The following GAP43 variants were observed in gnomAD, a reference collection of about 807,000 sequenced individuals.
The protein encoded by GAP43 is growth associated protein 43.
GAP43 carries 6 observed loss-of-function variants against 18.6 expected under a neutral mutation model. The ratio of observed to expected loss-of-function variants is 0.32; its 90% CI spans 0.18 to 0.64. GAP43 has a LOEUF of 0.64. GAP43 is among the 30% of genes least tolerant of loss of function. GAP43 has a pLI of 0.78. For missense variants in GAP43, 292 were observed against 295.5 expected (o/e 0.99, Z 0.09); for synonymous variants, 115 against 111.4 (o/e 1.03, Z -0.20).
At chr3:115,640,980 T>TTCCG (rs1332378366) in intron 1 of GAP43, among the ~76,000 whole-genome samples, 1 of 149,188 alleles carries the variant, frequency 6.7e-6, no homozygotes, top group East Asian at 2.0e-4. Flanking sequence ...CCTTCCTTCC[T>TTCCG]TCTTCTTTCT....
At chr3:115,697,069 C>G (rs1157732884) in intron 2 of GAP43, among the ~76,000 whole-genome samples, 1 of 152,086 alleles carries the variant, frequency 6.6e-6, no homozygotes, top group East Asian at 1.9e-4. Flanking sequence ...AAACTCCTGA[C>G]CTCAAGTGAT....
intron 2 of GAP43, 113 bp from the exon 3 acceptor site, chr3:115,720,681 G>C (rs1709565619): frequency 4.6e-6 from 3 of 648,044 alleles, no homozygotes; most frequent in Non-Finnish European, 8.2e-6. Flanking sequence ...TAATCTTAAT[G>C]CTCTTATGAA....
At chr3:115,661,535 C>G (rs1708658919) in intron 1 of GAP43, among the ~76,000 whole-genome samples, 1 of 152,194 alleles carries the variant, frequency 6.6e-6, no homozygotes, top group Non-Finnish European at 1.5e-5. Flanking sequence ...GTCGCCCAGG[C>G]TGGAGTGCAG....
At position 115,720,928 on chromosome 3, in the gene GAP43, G is replaced by A. The variant is rs1203998369; in HGVS notation, c.*46G>A. The A allele has an allele frequency of 1.5e-6, 2 of 1,330,382 alleles. No homozygotes were observed. 82.4% of individuals were successfully genotyped at this position (1,330,382 alleles called of 1,614,324 possible). A position where few individuals can be genotyped will look rare whatever the true frequency, so the allele number is the denominator to read the frequency against. ...ACATCCCCACCCTCCCCTCTCCTGA[G>A]CCTGTCTCTCCCTACCCTCTTCTCA... On this transcript the variant is annotated 3_prime_UTR_variant, in exon 3 of 3. Transcript: ENST00000305124.
chr3:115,638,361 C>CT (rs1708355875), intron 1 of GAP43, among the ~76,000 whole-genome samples: 1 of 152,048 alleles, frequency 6.6e-6, no homozygotes, highest in African/African-American at 2.4e-5. Flanking sequence ...CTGTTGGCCT[C>CT]TTTTTAGTTT....
chr3:115,647,163 G>A (rs1310532348), intron 1 of GAP43, among the ~76,000 whole-genome samples: 1 of 114,026 alleles, frequency 8.8e-6, no homozygotes, highest in Non-Finnish European at 1.9e-5. Flanking sequence ...CCCTTTTAAA[G>A]AGACCCCATA....
intron 1 of GAP43, among the ~76,000 whole-genome samples, chr3:115,623,946 C>T (rs2107461294): frequency 6.6e-6 from 1 of 151,806 alleles, no homozygotes; most frequent in African/African-American, 2.4e-5. Context: ...AAAAACATGC[C>T]TGTTTGGCTA....
intron 1 of GAP43, among the ~76,000 whole-genome samples, chr3:115,669,844 G>A (rs937049745): frequency 4.6e-5 from 7 of 151,866 alleles, no homozygotes; most frequent in African/African-American, 1.7e-4. Context: ...TTCTTATACA[G>A]TTTCATTGCT....
intron 1 of GAP43, among the ~76,000 whole-genome samples, chr3:115,669,982 T>A (rs1204507202): frequency 7.9e-6 from 1 of 127,166 alleles, no homozygotes; most frequent in African/African-American, 3.6e-5. Context: ...TTTTTTTTTT[T>A]TAATTTTTTT....
intron 2 of GAP43, among the ~76,000 whole-genome samples, chr3:115,683,895 T>C (rs10934305): frequency 0.81 from 123,785 of 152,130 alleles, 50,993 homozygotes; most frequent in Admixed American, 0.87. Flanking sequence ...AACTAACAGG[T>C]CTAAGTATTT....
At chr3:115,690,343 G>A (rs1709093679) in intron 2 of GAP43, among the ~76,000 whole-genome samples, 1 of 151,714 alleles carries the variant, frequency 6.6e-6, no homozygotes, top group African/African-American at 2.4e-5. Flanking sequence ...GAAAAGGATT[G>A]AGTTTCATAA....
rs1252333447 is a variant in GAP43, at chr3:115,683,147, G to GCGCACACACACA, written c.628+6538_628+6539insGCACACACACAC. 2.4e-3 allele frequency among the ~76,000 whole-genome samples: 312 copies of GCGCACACACACA among 127,408 alleles called. 1 individual carries two copies. Among genetic ancestry groups the GCGCACACACACA allele is most frequent in the Middle Eastern group, 9.3e-3 (2 of 216 alleles). 83.6% of individuals were successfully genotyped at this position (127,408 alleles called of 152,430 possible). ...TGTGCGCGCGCGTGCGCGCGCGCGC[G>GCGCACACACACA]CACACACACACACACACACACACAC... On this transcript the variant is annotated intron_variant, in intron 2 of 2. Coordinates refer to ENST00000305124, the MANE Select transcript of GAP43 (RefSeq NM_002045.4).
chr3:115,682,293 C>A (rs1708967316), intron 2 of GAP43, among the ~76,000 whole-genome samples: 1 of 152,174 alleles, frequency 6.6e-6, no homozygotes, highest in Non-Finnish European at 1.5e-5. Flanking sequence ...CTGACTCCAT[C>A]AAATACATCA....
Position 115,623,613 on chromosome 3 carries a change from A to G in GAP43, c.-77A>G. The G allele has an allele frequency of 6.4e-7, 1 of 1,574,142 alleles. No individual in the cohort carries two copies. ...GCGAGTGAGCAAGCGAGCAGAAAAG[A>G]GGTGGAGAGGGGGGGAATAAGAAAG... On this transcript the variant is annotated 5_prime_UTR_variant, in exon 1 of 3. Coordinates refer to ENST00000305124, the MANE Select transcript of GAP43 (RefSeq NM_002045.4).
intron 2 of GAP43, among the ~76,000 whole-genome samples, chr3:115,717,889 G>A (rs992913276): frequency 5.9e-5 from 9 of 152,134 alleles, no homozygotes; most frequent in African/African-American, 1.9e-4. Flanking sequence ...CCTAGGACCA[G>A]GCAATGGATG....
chr3:115,654,394 AC>A (rs1371081879), intron 1 of GAP43, among the ~76,000 whole-genome samples: 1 of 152,184 alleles, frequency 6.6e-6, no homozygotes, highest in Non-Finnish European at 1.5e-5. Context: ...CTTACTAAAG[AC>A]CCCAGCTCAT....
chr3:115,717,131 A>G (rs532392331), intron 2 of GAP43, among the ~76,000 whole-genome samples: 1 of 152,180 alleles, frequency 6.6e-6, no homozygotes, highest in African/African-American at 2.4e-5. Context: ...CTGTCCAGTC[A>G]TTCCTTCACT....
chr3:115,659,997 A>G (rs1008338723), intron 1 of GAP43, among the ~76,000 whole-genome samples: 73 of 152,304 alleles, frequency 4.8e-4, no homozygotes, highest in African/African-American at 1.7e-3. Context: ...TTTCTTTAGA[A>G]TCTTTCACTT....
At chr3:115,655,740 T>A (rs755289395) in intron 1 of GAP43, among the ~76,000 whole-genome samples, 15 of 152,244 alleles carry the variant, frequency 9.9e-5, no homozygotes, top group Non-Finnish European at 1.8e-4. Flanking sequence ...CATTGAATAC[T>A]ATAATATTCA....
Sources: gnomAD v4.1 joint callset for allele counts (sites outside exome capture counted in the v4.1 genomes callset) on GRCh38, gnomAD v4.1.1 for gene constraint, MANE v1.5 for transcripts, NCBI Gene and HGNC (gene_info 2026-07-23, HGNC 2026-07-21) for gene names.